The following TGIF1 variants were observed in gnomAD, a reference collection of about 807,000 sequenced individuals.
The protein encoded by TGIF1 is TGFB induced factor homeobox 1.
Under a neutral mutation model 19.3 loss-of-function variants are expected in TGIF1, and 4 were observed. The ratio of observed to expected loss-of-function variants is 0.21; its 90% CI spans 0.10 to 0.47. TGIF1 has a LOEUF of 0.47. Ranked by LOEUF, TGIF1 falls within the 20% of genes least tolerant of loss-of-function variation. The probability of loss-of-function intolerance (pLI) is 0.98; values close to 1 mark genes in which losing one functional copy is unlikely to be tolerated. For missense variants in TGIF1, 275 were observed against 341.4 expected (o/e 0.81, Z 1.53); for synonymous variants, 122 against 129.3 (o/e 0.94, Z 0.38).
chr18:3,451,618 CG>C lies in TGIF1; in HGVS notation c.16+1117del. 1 of 1,082,112 alleles carries C rather than the reference CG, an allele frequency of 9.2e-7. No individual in the cohort carries two copies. The highest frequency in any genetic ancestry group is 1.6e-5 in the African/African-American group (1 of 60,878). The allele number at this position is 1,082,112 out of a possible 1,614,324, so 67.0% of individuals were successfully genotyped here. On this transcript the variant is annotated intron_variant, in intron 1 of 2. Coordinates refer to ENST00000343820, the MANE Select transcript of TGIF1 (RefSeq NM_003244.4). This position sits in a 1 kb window ranked among gnomAD's most constrained non-coding sequence, Gnocchi z 5.4. Reference sequence around the variant, plus strand: ...ACATTCTTTCAGACCCGGCCCGCTGCGGGGCGTTCCTGGGGGGTAGCCTCAA... The same window carrying C: ...ACATTCTTTCAGACCCGGCCCGCTGCGGGCGTTCCTGGGGGGTAGCCTCAA...
chr18:3,452,426 T>G (rs774489083), intron 1 of TGIF1: 1 of 1,612,492 alleles, frequency 6.2e-7, no homozygotes, highest in Non-Finnish European at 8.5e-7. Flanking sequence ...TCAGGGCTCT[T>G]TGGGGGAGCC....
At chr18:3,428,159 A>C (rs1175384558) in intron 2 of TGIF1, among the ~76,000 whole-genome samples, 1 of 152,020 alleles carries the variant, frequency 6.6e-6, no homozygotes, top group Non-Finnish European at 1.5e-5. Context: ...ACTGCCACAC[A>C]CTCTGGGGGC....
At chr18:3,450,929 C>T (rs1250488066) in intron 1 of TGIF1, among the ~76,000 whole-genome samples, 4 of 152,100 alleles carry the variant, frequency 2.6e-5, no homozygotes, top group South Asian at 2.1e-4. Flanking sequence ...GCCGCGGGAC[C>T]GCCGCGGCTT....
intron 2 of TGIF1, among the ~76,000 whole-genome samples, chr18:3,429,942 G>A (rs1334760433): frequency 6.6e-6 from 1 of 152,222 alleles, no homozygotes; most frequent in African/African-American, 2.4e-5. Flanking sequence ...ATCACCTGCG[G>A]TCAGGAGTTG....
At position 3,457,540 on chromosome 18, in the gene TGIF1, C is replaced by T. The variant is rs775272922; in HGVS notation, c.419C>T (p.Pro140Leu). 2 of 1,614,194 alleles carry T rather than the reference C, an allele frequency of 1.2e-6. No homozygotes were observed. Among genetic ancestry groups the T allele is most frequent in the Non-Finnish European group, 1.7e-6 (2 of 1,180,038 alleles). ...KNFMPALEET[P>L]FHSCTAGPNP... is the part of the protein sequence containing the mutation. ...TTCATGCCAGCTCTAGAGGAGACCC[C>T]ATTTCATTCCTGTACAGCTGGGCCA... Residue 140 changes from proline (P) to leucine (L), a missense_variant, in exon 3 of 3, where the codon CCA becomes CTA. By Grantham distance (98) the Pro-to-Leu change is moderately conservative. Transcript: ENST00000343820. The surrounding 1 kb of genome is among the most constrained non-coding windows in gnomAD (Gnocchi z 4.9).
upstream of TGIF1, chr18:3,448,144 C>T (rs1185352144): frequency 1.0e-6 from 1 of 984,990 alleles, no homozygotes. Context: ...GCCGAGGCAG[C>T]CGAAGCCGCT....
At chr18:3,433,166 TG>T (rs2082572169) in intron 2 of TGIF1, among the ~76,000 whole-genome samples, 1 of 152,046 alleles carries the variant, frequency 6.6e-6, no homozygotes, top group African/African-American at 2.4e-5. Flanking sequence ...CTCCACCTTC[TG>T]GGCTCAAGCA....
Position 3,437,773 on chromosome 18 carries a change from A to G in TGIF1, c.-44-18581A>G, listed in dbSNP as rs1830079299. 2.0e-5 allele frequency among the ~76,000 whole-genome samples: 3 copies of G among 152,338 alleles called. No individual in the cohort carries two copies. In the South Asian group the frequency reaches 6.2e-4, roughly 32 times the overall value. The stretch of plus-strand genomic sequence containing the variant: ...AATCACTAATCCCCTTGGAAAATGC[A>G]TTTTGTGATCAGACAAGAAGTGACA... On this transcript the variant is annotated intron_variant, in intron 2 of 3. Coordinates refer to the TGIF1 transcript ENST00000401449.
chr18:3,447,860 C>T, upstream of TGIF1: 1 of 1,586,430 alleles, frequency 6.3e-7, no homozygotes, highest in Non-Finnish European at 8.7e-7. Context: ...TTGTCTCCGC[C>T]CCTCCCCCCT....
In TGIF1 at chr18:3,444,003, C is replaced by T. The variant is rs1281168445; in HGVS notation, c.-44-12351C>T. Among the ~76,000 whole-genome samples the T allele has an allele frequency of 1.1e-4, 17 of 150,174 alleles. No homozygotes were observed. The East Asian group carries it at 3.2e-3, about 28-fold the overall frequency. On this transcript the variant is annotated intron_variant, in intron 2 of 3. Transcript: ENST00000401449. ...AGGCTGGACTGCAGTGGCACGATCT[C>T]GGCTCACTGCAACCTCCACCTCCCG...
At chr18:3,439,001 G>A (rs1195894893) in intron 2 of TGIF1, among the ~76,000 whole-genome samples, 1 of 152,150 alleles carries the variant, frequency 6.6e-6, no homozygotes, top group Non-Finnish European at 1.5e-5. Context: ...GGGACTACTT[G>A]GCCCCATTAG....
chr18:3,442,797 T>C (rs1372273947), intron 2 of TGIF1, among the ~76,000 whole-genome samples: 1 of 152,118 alleles, frequency 6.6e-6, no homozygotes, highest in Admixed American at 6.6e-5. Flanking sequence ...AAATGACTAA[T>C]ACATACACAA....
upstream of TGIF1, chr18:3,449,422 G>T: frequency 1.0e-6 from 1 of 985,444 alleles, no homozygotes; most frequent in Non-Finnish European, 1.2e-6. Context: ...GAGCATGTGA[G>T]CGTGACAAGT....
intron 2 of TGIF1, among the ~76,000 whole-genome samples, chr18:3,427,320 C>T (rs374254384): frequency 6.6e-6 from 1 of 151,214 alleles, no homozygotes; most frequent in East Asian, 1.9e-4. Context: ...GAGATGAAGC[C>T]TCACTCTGTT....
intron 2 of TGIF1, among the ~76,000 whole-genome samples, chr18:3,430,615 C>A (rs892714629): frequency 6.6e-6 from 1 of 152,044 alleles, no homozygotes; most frequent in Admixed American, 6.6e-5. Flanking sequence ...AGCAATCCTC[C>A]CACCTCAGCC....
chr18:3,422,683 T>TTTTTG (rs2082418422), intron 2 of TGIF1, among the ~76,000 whole-genome samples: 1 of 128,746 alleles, frequency 7.8e-6, no homozygotes, highest in Non-Finnish European at 1.7e-5. Flanking sequence ...CTTTTTTTTT[T>TTTTTG]TTTTTTTTTT....
chr18:3,452,938 T>A (rs181962001), intron 1 of TGIF1, among the ~76,000 whole-genome samples: 207 of 152,260 alleles, frequency 1.4e-3, no homozygotes, highest in African/African-American at 4.9e-3. Flanking sequence ...TTAAAAACAA[T>A]GAGAAGGATC....
upstream of TGIF1, chr18:3,448,298 A>G: frequency 2.0e-6 from 2 of 985,272 alleles, no homozygotes; most frequent in Non-Finnish European, 2.4e-6. Flanking sequence ...CCGGCTCCCC[A>G]GCGGATAGGA....
intron 2 of TGIF1, among the ~76,000 whole-genome samples, chr18:3,432,429 C>CA (rs200766828): frequency 0.014 from 2,116 of 152,146 alleles, 27 homozygotes; most frequent in Admixed American, 0.037. Context: ...TATTTGACAA[C>CA]AAAAAATATG....
Sources: allele counts gnomAD v4.1 joint callset (sites outside exome capture counted in the v4.1 genomes callset), GRCh38; gene constraint gnomAD v4.1.1; non-coding constraint Gnocchi (gnomAD v3.1); transcripts MANE v1.5; gene names NCBI Gene and HGNC (gene_info 2026-07-23, HGNC 2026-07-21).